The following PITPNM2 variants were observed in gnomAD, a reference collection of about 807,000 sequenced individuals.
PITPNM2 encodes the protein membrane-associated phosphatidylinositol transfer protein 2.
In PITPNM2, 35 loss-of-function variants were observed where a neutral mutation model predicts 132.2. The ratio of observed to expected loss-of-function variants is 0.26; its 90% CI spans 0.20 to 0.35. The LOEUF (loss-of-function observed/expected upper bound fraction) is 0.35, where lower values mean the gene tolerates loss of function less well. Ranked by LOEUF, PITPNM2 falls within the 10% of genes least tolerant of loss-of-function variation. The pLI is 1.00. For missense variants in PITPNM2, 1,332 were observed against 1,912.0 expected, an observed-to-expected ratio of 0.70 and a Z score of 5.66; for synonymous variants, 738 against 799.2, an observed-to-expected ratio of 0.92 and a Z score of 1.29.
In PITPNM2 at chr12:123,004,659, A is replaced by T. The variant is rs1221550201; in HGVS notation, c.953-170T>A. 1 of 657,792 alleles carries T rather than the reference A, an allele frequency of 1.5e-6. No individual in the cohort carries two copies. The highest frequency in any genetic ancestry group is 2.7e-5 in the East Asian group (1 of 36,714). 40.7% of individuals were successfully genotyped at this position (657,792 alleles called of 1,614,324 possible). On this transcript the variant is annotated intron_variant, in intron 7 of 25. Coordinates refer to ENST00000320201, the MANE Select transcript of PITPNM2 (RefSeq NM_020845.3). The surrounding 1 kb of genome is among the most constrained non-coding windows in gnomAD (Gnocchi z 4.9). ...GAATGAAGTGTGTAAATGAGTGGGGAGCGGCCTAGGCTCATCTCCTGTCCG... is the reference window on the plus strand; with the variant it reads ...GAATGAAGTGTGTAAATGAGTGGGGTGCGGCCTAGGCTCATCTCCTGTCCG...
In PITPNM2 at chr12:122,992,417, C is replaced by A. The variant is rs1243181686; in HGVS notation, c.2404+82G>T. 1.3e-6 allele frequency: 2 copies of A among 1,487,440 alleles called. No homozygotes were observed. The highest frequency in any genetic ancestry group is 9.0e-7 in the Non-Finnish European group (1 of 1,108,472). 92.1% of individuals were successfully genotyped at this position (1,487,440 alleles called of 1,614,324 possible). A position where few individuals can be genotyped will look rare whatever the true frequency, so the allele number is the denominator to read the frequency against. ...GTCCCTCTCACCTGGGGAAGAACCA[C>A]GTAGCATGGAGGACCTAGGAGCCAG... is the stretch of plus-strand genomic sequence containing the variant. On this transcript the variant is annotated intron_variant, in intron 16 of 25. Transcript: ENST00000320201. The surrounding 1 kb of genome is among the most constrained non-coding windows in gnomAD (Gnocchi z 6.5).
chr12:123,055,299 C>T (rs919761013), intron 2 of PITPNM2, among the ~76,000 whole-genome samples: 3 of 152,198 alleles, frequency 2.0e-5, no homozygotes, highest in Non-Finnish European at 2.9e-5. Context: ...GTGTTCCCAA[C>T]GTGCCACCCT....
intron 1 of PITPNM2, among the ~76,000 whole-genome samples, chr12:123,116,670 A>C (rs763292517): frequency 2.5e-4 from 35 of 142,476 alleles, no homozygotes; most frequent in Non-Finnish European, 5.0e-4. Context: ...AAAAAAAAGC[A>C]GGAGAGGAGT....
chr12:123,148,877 G>A (rs1790090), intron 1 of PITPNM2, among the ~76,000 whole-genome samples: 101,997 of 151,972 alleles, frequency 0.67, 37,052 homozygotes, highest in East Asian at 0.97. Flanking sequence ...TTCCACCTGC[G>A]AAGGCCAAGA....
At chr12:122,996,652 C>T (rs1453834819) in intron 12 of PITPNM2, 69 bp downstream of exon 12, 11 of 1,611,082 alleles carry the variant, frequency 6.8e-6, no homozygotes, top group Non-Finnish European at 9.3e-6. Context: ...CCGTCACCTT[C>T]CCCCTGAGGC....
In PITPNM2 at chr12:122,983,919, C is replaced by T. The variant is rs575679587; in HGVS notation, c.*2108G>A. On this transcript the variant is annotated 3_prime_UTR_variant, in exon 26 of 26. Coordinates refer to ENST00000320201, the MANE Select transcript of PITPNM2 (RefSeq NM_020845.3). Reference sequence around the variant, plus strand: ...AAACATTTTTGGTATTTTTAAAGGACGCTGCCCTCCCTCTCTTAGTTTCAG... The same window carrying T: ...AAACATTTTTGGTATTTTTAAAGGATGCTGCCCTCCCTCTCTTAGTTTCAG... 1.3e-4 allele frequency: 20 copies of T among 152,806 alleles called. No individual in the cohort carries two copies. Among genetic ancestry groups the T allele is most frequent in the African/African-American group, 4.3e-4 (18 of 41,594 alleles). 9.5% of individuals were successfully genotyped at this position (152,806 alleles called of 1,614,324 possible).
At position 122,987,373 on chromosome 12, in the gene PITPNM2, G is replaced by C; in HGVS notation, c.3321C>G (p.Phe1107Leu). The part of the protein sequence containing the change: ...YITVLPKGTE[F>L]VVFSIDGSFA... ...AGGAACCGTCGATGCTGAAGACCACGAACTCTGTGCCCTTGGGCAGCACGG... is the reference window on the plus strand; with the variant it reads ...AGGAACCGTCGATGCTGAAGACCACCAACTCTGTGCCCTTGGGCAGCACGG... The change falls in exon 23 of 26, where the codon TTC (phenylalanine) becomes TTG (leucine). Residue 1107 changes from phenylalanine to leucine, a missense_variant. Physicochemically the swap from Phe to Leu is conservative, Grantham distance 22 (BLOSUM62 0). Transcript: ENST00000320201. 6.2e-7 allele frequency: 1 copy of C among 1,613,670 alleles called. No individual in the cohort carries two copies. Among genetic ancestry groups the C allele is most frequent in the Non-Finnish European group, 8.5e-7 (1 of 1,180,024 alleles).
intron 1 of PITPNM2, among the ~76,000 whole-genome samples, chr12:123,112,332 C>T (rs1201993119): frequency 2.6e-5 from 4 of 152,074 alleles, no homozygotes; most frequent in African/African-American, 9.7e-5. Flanking sequence ...GTGAATCTGT[C>T]CACTGCCCTA....
intron 2 of PITPNM2, among the ~76,000 whole-genome samples, chr12:123,109,275 C>A (rs985305131): frequency 6.6e-6 from 1 of 152,224 alleles, no homozygotes; most frequent in African/African-American, 2.4e-5. Context: ...ATCACTTTAC[C>A]TCCTGTTCCA....
intron 2 of PITPNM2, among the ~76,000 whole-genome samples, chr12:123,046,033 A>G (rs1426984088): frequency 6.6e-6 from 1 of 152,116 alleles, no homozygotes; most frequent in Non-Finnish European, 1.5e-5. Context: ...GGGTTTCCCA[A>G]ACTTGCCACA....
intron 2 of PITPNM2, chr12:123,087,365 G>C (rs1194232791): frequency 6.6e-6 from 1 of 151,654 alleles, no homozygotes; most frequent in African/African-American, 2.4e-5. Context: ...CAATTCTCCT[G>C]CCTCAGCCTC....
At chr12:123,104,509 G>A (rs1002312773) in intron 2 of PITPNM2, among the ~76,000 whole-genome samples, 15 of 152,230 alleles carry the variant, frequency 9.9e-5, no homozygotes, top group South Asian at 4.2e-4. Flanking sequence ...GAAAATGGCC[G>A]GTCCTTGCCT....
chr12:123,123,378 G>A (rs542087145), intron 1 of PITPNM2, among the ~76,000 whole-genome samples: 13 of 152,308 alleles, frequency 8.5e-5, no homozygotes, highest in Admixed American at 4.6e-4. Context: ...CTAGGAGGCC[G>A]AGGTGAGAGG....
chr12:123,005,296 C>G lies in PITPNM2; in HGVS notation c.896G>C (p.Gly299Ala). 6.2e-7 allele frequency: 1 copy of G among 1,613,990 alleles called. No individual in the cohort carries two copies. The highest frequency in any genetic ancestry group is 2.2e-5 in the East Asian group (1 of 44,856). ...GGATGTGGACCACTGTTTCTTGAGG[C>G]CGCGCCCCACTAGGGGCTCCCCATT... ...SSNGEPLVGR[G>A]LKKQWSTSSK... Residue 299 changes from glycine to alanine, a missense_variant, in exon 7 of 26, where the codon GGC becomes GCC. By Grantham distance (60) the Gly-to-Ala change is moderately conservative. Around this residue, in one of 6 missense-constraint regions of PITPNM2, gnomAD observed 710 missense variants for 911.5 expected, o/e 0.78. Coordinates refer to ENST00000320201, the MANE Select transcript of PITPNM2 (RefSeq NM_020845.3). This position sits in a 1 kb window ranked among gnomAD's most constrained non-coding sequence, Gnocchi z 6.2.
rs563351590 is a variant in PITPNM2, at chr12:123,054,835, G to A, written c.-95-20150C>T. 1.4e-4 allele frequency among the ~76,000 whole-genome samples: 21 copies of A among 152,312 alleles called. 1 individual carries two copies. In the South Asian group the frequency reaches 3.3e-3, roughly 24 times the overall value. On this transcript the variant is annotated intron_variant, in intron 2 of 25. Transcript: ENST00000320201. ...TCCCAGCACTTTGGGAGGCCAAGGC[G>A]ACAGGATCACCTGAGGTCAGGAGTT... is the stretch of plus-strand genomic sequence containing the variant.
At chr12:122,986,940 C>T (rs1424571591) in intron 23 of PITPNM2, 111 bp from the exon 24 acceptor site, 5 of 1,327,626 alleles carry the variant, frequency 3.8e-6, no homozygotes, top group East Asian at 5.1e-5. Context: ...TCTGATTGAG[C>T]TCAGACAGTA....
At chr12:122,997,116 A>C (rs1326950354) in intron 11 of PITPNM2, among the ~76,000 whole-genome samples, 1 of 152,146 alleles carries the variant, frequency 6.6e-6, no homozygotes, top group African/African-American at 2.4e-5. Context: ...ACACGTTTGG[A>C]AACGAAGGCT....
In PITPNM2 at chr12:123,001,251, C is replaced by A. The variant is rs983322124; in HGVS notation, c.1049-93G>T. The A allele has an allele frequency of 1.4e-5, 13 of 923,542 alleles. No individual in the cohort carries two copies. In the African/African-American group the frequency reaches 2.1e-4, roughly 15 times the overall value. The allele number at this position is 923,542 out of a possible 1,614,324, so 57.2% of individuals were successfully genotyped here. The stretch of plus-strand genomic sequence containing the variant: ...GGACGCCCCTGTGTACGGCTCTGCT[C>A]TGACCGTTCCTCAACAGGACGGCCA... On this transcript the variant is annotated intron_variant, in intron 8 of 25. Transcript: ENST00000320201.
At position 123,097,082 on chromosome 12, in the gene PITPNM2, G is replaced by A. The variant is rs528037944; in HGVS notation, c.-96+13303C>T. Among the ~76,000 whole-genome samples, 3 of 151,646 alleles carry A rather than the reference G, an allele frequency of 2.0e-5. No homozygotes were observed. The highest frequency in any genetic ancestry group is 3.9e-4 in the East Asian group (2 of 5,168). ...TTTGGTATGGAGTCTCGCTCTTGTC[G>A]CCCAGGTTTGAGTGCAGTGGCACGA... On this transcript the variant is annotated intron_variant, in intron 2 of 25. Transcript: ENST00000320201. This position sits in a 1 kb window ranked among gnomAD's most constrained non-coding sequence, Gnocchi z 4.7.
Sources: allele counts gnomAD v4.1 joint callset (sites outside exome capture counted in the v4.1 genomes callset), GRCh38; gene constraint gnomAD v4.1.1; regional missense constraint gnomAD v4.1.1; non-coding constraint Gnocchi (gnomAD v3.1); transcripts MANE v1.5; gene names NCBI Gene and HGNC (gene_info 2026-07-23, HGNC 2026-07-21).